The following DTNA variants were observed in gnomAD, a reference collection of about 807,000 sequenced individuals.
DTNA encodes the protein dystrophin-related protein 3.
Under a neutral mutation model 100.7 loss-of-function variants are expected in DTNA, and 43 were observed. The ratio of observed to expected loss-of-function variants is 0.43; its 90% CI spans 0.33 to 0.55. The LOEUF (loss-of-function observed/expected upper bound fraction) is 0.55. DTNA is among the 20% of genes least tolerant of loss of function. The pLI, the probability that DTNA is intolerant of heterozygous loss-of-function variation, is 0.04. For missense variants in DTNA, 798 were observed against 953.9 expected, an observed-to-expected ratio of 0.84 and a Z score of 2.15; for synonymous variants, 349 against 347.9, an observed-to-expected ratio of 1.00 and a Z score of -0.04.
intron 5 of DTNA, among the ~76,000 whole-genome samples, chr18:34,808,280 G>A (rs530610445): frequency 4.4e-4 from 67 of 152,292 alleles, no homozygotes; most frequent in Non-Finnish European, 7.8e-4. Flanking sequence ...TTCAGTGTAA[G>A]ATTTCATCCT....
At chr18:34,596,464 CT>C (rs1338549902) in intron 1 of DTNA, among the ~76,000 whole-genome samples, 1 of 152,154 alleles carries the variant, frequency 6.6e-6, no homozygotes, top group Non-Finnish European at 1.5e-5. Flanking sequence ...AGTGATCCAC[CT>C]GCCTCAGCTT....
intron 1 of DTNA, among the ~76,000 whole-genome samples, chr18:34,625,629 A>C (rs547352330): frequency 4.6e-5 from 7 of 152,342 alleles, no homozygotes; most frequent in African/African-American, 1.4e-4. Flanking sequence ...ACACTTATAT[A>C]TACACAAAAT....
chr18:34,718,315 C>T (rs533949279), intron 1 of DTNA, among the ~76,000 whole-genome samples: 82 of 152,228 alleles, frequency 5.4e-4, no homozygotes, highest in South Asian at 1.5e-3. Context: ...CTTCCTCTTT[C>T]GTTAAAATCT....
chr18:34,584,687 G>A (rs1252700222), intron 1 of DTNA, among the ~76,000 whole-genome samples: 3 of 152,154 alleles, frequency 2.0e-5, no homozygotes, highest in African/African-American at 4.8e-5. Flanking sequence ...GAATAAATGA[G>A]TAAAAGTCCC....
rs1434037181 is a variant in DTNA, at chr18:34,829,385, G to A, written c.1086-15G>A. The A allele has an allele frequency of 3.3e-5, 51 of 1,535,032 alleles. No homozygotes were observed. Among genetic ancestry groups the A allele is most frequent in the Non-Finnish European group, 4.4e-5 (50 of 1,146,572 alleles). On this transcript the variant is annotated splice_polypyrimidine_tract_variant and intron_variant, in intron 10 of 22. Transcript: ENST00000444659. ...TGGGAAGTTTTAATGAGGTCTCATTGTTTGACTCCCTCAGGTTACCTGAGG... is the reference window on the plus strand; with the variant it reads ...TGGGAAGTTTTAATGAGGTCTCATTATTTGACTCCCTCAGGTTACCTGAGG...
At chr18:34,536,119 A>G (rs1471168594) in intron 1 of DTNA, among the ~76,000 whole-genome samples, 1 of 152,028 alleles carries the variant, frequency 6.6e-6, no homozygotes, top group Non-Finnish European at 1.5e-5. Context: ...ATGTTTTTAT[A>G]CTTCAATTAT....
At chr18:34,858,171 C>T (rs2096574834) in intron 15 of DTNA, 114 bp from the exon 16 acceptor site, 1 of 979,440 alleles carries the variant, frequency 1.0e-6, no homozygotes, top group Non-Finnish European at 1.6e-6. Flanking sequence ...CGGTTCTGCT[C>T]CTAAACATAG....
At chr18:34,531,322 T>A (rs1197911143) in intron 1 of DTNA, among the ~76,000 whole-genome samples, 1 of 152,140 alleles carries the variant, frequency 6.6e-6, no homozygotes, top group African/African-American at 2.4e-5. Context: ...GCTGTGTGAC[T>A]TTAAGCCAGT....
chr18:34,847,972 A>C (rs1292014175), intron 13 of DTNA, among the ~76,000 whole-genome samples: 1 of 152,204 alleles, frequency 6.6e-6, no homozygotes, highest in Non-Finnish European at 1.5e-5. Flanking sequence ...CTTGTGTAAA[A>C]AGGAAAGAAA....
At chr18:34,844,187 TG>T (rs1186550589) in intron 13 of DTNA, among the ~76,000 whole-genome samples, 2 of 152,100 alleles carry the variant, frequency 1.3e-5, no homozygotes, top group Admixed American at 6.6e-5. Context: ...CATAGGGGGT[TG>T]TTGAAGTCAG....
chr18:34,837,934 A>C (rs1055304855), intron 11 of DTNA, among the ~76,000 whole-genome samples, 160 bp from the exon 12 acceptor site: 2 of 152,222 alleles, frequency 1.3e-5, no homozygotes, highest in Non-Finnish European at 2.9e-5. Context: ...TCCTACTTGA[A>C]GTCTGTGGAA....
intron 1 of DTNA, among the ~76,000 whole-genome samples, chr18:34,646,112 C>CTA (rs1232759793): frequency 6.6e-6 from 1 of 152,136 alleles, no homozygotes; most frequent in Non-Finnish European, 1.5e-5. Context: ...TTTCAGTAAG[C>CTA]TATACCCTTT....
chr18:34,658,851 C>G (rs2074767365), intron 1 of DTNA, among the ~76,000 whole-genome samples: 1 of 152,242 alleles, frequency 6.6e-6, no homozygotes, highest in African/African-American at 2.4e-5. Flanking sequence ...TGGACAGTGC[C>G]CTTTCTTTCT....
At chr18:34,597,537 C>G (rs1377147153) in intron 1 of DTNA, among the ~76,000 whole-genome samples, 2 of 152,172 alleles carry the variant, frequency 1.3e-5, no homozygotes. Context: ...CTATAGACTT[C>G]AATTAATTGC....
At chr18:34,711,931 T>G (rs1600631408) in intron 1 of DTNA, among the ~76,000 whole-genome samples, 1 of 152,176 alleles carries the variant, frequency 6.6e-6, no homozygotes, top group African/African-American at 2.4e-5. Context: ...TCTTTTTCCC[T>G]TTGTTGTTTG....
intron 1 of DTNA, among the ~76,000 whole-genome samples, chr18:34,680,027 G>A (rs1466863581): frequency 1.3e-5 from 2 of 152,124 alleles, no homozygotes; most frequent in African/African-American, 4.8e-5. Flanking sequence ...AAATTTGATG[G>A]TGATAATAGT....
At chr18:34,771,714 G>A (rs551667089) in intron 3 of DTNA, among the ~76,000 whole-genome samples, 8 of 152,298 alleles carry the variant, frequency 5.3e-5, no homozygotes, top group African/African-American at 1.9e-4. Flanking sequence ...GAGGAATGGA[G>A]CAGAACAAAG....
intron 1 of DTNA, among the ~76,000 whole-genome samples, chr18:34,637,352 G>A (rs1450005191): frequency 1.3e-5 from 2 of 152,154 alleles, no homozygotes; most frequent in Non-Finnish European, 2.9e-5. Context: ...GAAGTGTAAA[G>A]CCACTGTTGC....
chr18:34,769,316 G>C (rs922942971), intron 3 of DTNA, among the ~76,000 whole-genome samples: 1 of 152,102 alleles, frequency 6.6e-6, no homozygotes, highest in Admixed American at 6.5e-5. Flanking sequence ...CTTCTAGAAA[G>C]TTAGCCAACC....
Sources: gnomAD v4.1 joint callset for allele counts (sites outside exome capture counted in the v4.1 genomes callset) on GRCh38, gnomAD v4.1.1 for gene constraint, MANE v1.5 for transcripts, NCBI Gene and HGNC (gene_info 2026-07-23, HGNC 2026-07-21) for gene names.